The following LRRC37A2 variants were observed in gnomAD, a reference collection of about 807,000 sequenced individuals.
LRRC37A2 encodes the protein leucine-rich repeat-containing protein 37A2.
LRRC37A2 carries 9 observed loss-of-function variants against 68.8 expected under a neutral mutation model. The observed-to-expected ratio is 0.13, with a 90% CI of 0.08 to 0.23. The LOEUF (loss-of-function observed/expected upper bound fraction) is 0.23. Among genes scored for constraint, LRRC37A2 ranks in the 10% least tolerant of loss-of-function variants. The pLI is 1.00. For missense variants in LRRC37A2, 168 were observed against 950.4 expected (o/e 0.18, Z 10.82); for synonymous variants, 63 against 367.6 (o/e 0.17, Z 9.48).
the LRRC37A2 span, among the ~76,000 whole-genome samples, chr17:46,766,321 T>C: frequency 6.6e-6 from 1 of 151,140 alleles, no homozygotes; most frequent in African/African-American, 2.4e-5. Flanking sequence ...GGCAGGAGAA[T>C]CGCTTGAACC....
At chr17:47,013,295 A>C in the LRRC37A2 span, among the ~76,000 whole-genome samples, 1 of 152,218 alleles carries the variant, frequency 6.6e-6, no homozygotes, top group African/African-American at 2.4e-5. Context: ...ATAACTCTGC[A>C]AATATACTAA....
the LRRC37A2 span, chr17:46,713,786 A>T: frequency 1.5e-4 from 228 of 1,521,928 alleles, no homozygotes; most frequent in Middle Eastern, 3.1e-3. Flanking sequence ...ATAAAAGTTT[A>T]AACTTGTTTT....
At chr17:46,816,141 GC>G in the LRRC37A2 span, among the ~76,000 whole-genome samples, 5 of 26,240 alleles carry the variant, frequency 1.9e-4, no homozygotes, top group Non-Finnish European at 4.0e-4. Context: ...TCACACACAC[GC>G]ACGCACGCAC....
At chr17:46,988,016 A>G in the LRRC37A2 span, among the ~76,000 whole-genome samples, 3 of 152,154 alleles carry the variant, frequency 2.0e-5, no homozygotes, top group Non-Finnish European at 2.9e-5. Context: ...TACTAAAAAT[A>G]CAAAAATTAG....
the LRRC37A2 span, among the ~76,000 whole-genome samples, chr17:46,780,541 C>A: frequency 6.6e-6 from 1 of 152,238 alleles, no homozygotes; most frequent in Non-Finnish European, 1.5e-5. Flanking sequence ...GTAATCCCAG[C>A]ACTTTGGGAG....
At chr17:46,804,696 G>A in the LRRC37A2 span, among the ~76,000 whole-genome samples, 1 of 152,250 alleles carries the variant, frequency 6.6e-6, no homozygotes, top group Non-Finnish European at 1.5e-5. Context: ...AATGAGAGAT[G>A]AGGCCAGCCG....
the LRRC37A2 span, among the ~76,000 whole-genome samples, chr17:46,839,026 C>T: frequency 6.6e-6 from 1 of 152,036 alleles, no homozygotes; most frequent in African/African-American, 2.4e-5. Flanking sequence ...TACAGGCGCC[C>T]GCCACCATGC....
the LRRC37A2 span, among the ~76,000 whole-genome samples, chr17:47,009,483 TC>T: frequency 6.6e-6 from 1 of 152,096 alleles, no homozygotes; most frequent in Non-Finnish European, 1.5e-5. Flanking sequence ...GTCCCTCTGG[TC>T]CCCCTTTGAA....
chr17:46,857,078 C>T, the LRRC37A2 span, among the ~76,000 whole-genome samples: 19 of 152,068 alleles, frequency 1.2e-4, no homozygotes, highest in Non-Finnish European at 2.1e-4. Context: ...TCATCCATGT[C>T]GTTGAATATA....
the LRRC37A2 span, among the ~76,000 whole-genome samples, chr17:46,981,192 T>C: frequency 6.6e-6 from 1 of 152,006 alleles, no homozygotes; most frequent in Non-Finnish European, 1.5e-5. Context: ...CAAATTGGAG[T>C]GAAGGGATTC....
chr17:46,787,091 C>G, the LRRC37A2 span, among the ~76,000 whole-genome samples: 3 of 152,068 alleles, frequency 2.0e-5, no homozygotes, highest in East Asian at 5.8e-4. Flanking sequence ...GCACATGCCA[C>G]TATGCTCTGC....
At chr17:46,953,687 C>A in the LRRC37A2 span, among the ~76,000 whole-genome samples, 32 of 152,196 alleles carry the variant, frequency 2.1e-4, no homozygotes, top group Non-Finnish European at 4.0e-4. Context: ...GTTCCTATTT[C>A]TCTCCAGCAG....
the LRRC37A2 span, among the ~76,000 whole-genome samples, chr17:46,956,772 G>A: frequency 6.6e-6 from 1 of 152,170 alleles, no homozygotes; most frequent in East Asian, 1.9e-4. Context: ...GCTGGCTGGA[G>A]AGGATACCAC....
chr17:46,572,999 AAGGGAGGAAGGGAGGAAGGG>A, the LRRC37A2 span, among the ~76,000 whole-genome samples: 47,838 of 89,666 alleles, frequency 0.53, 15,708 homozygotes, highest in Middle Eastern at 0.74. Flanking sequence ...GGGAGGGAGG[AAGGGAGGAAGGGAGGAAGGG>A]AGGAAAGGAA....
At chr17:46,841,893 G>T in the LRRC37A2 span, among the ~76,000 whole-genome samples, 5 of 151,910 alleles carry the variant, frequency 3.3e-5, no homozygotes, top group Admixed American at 2.6e-4. Flanking sequence ...CTCCTCTGCG[G>T]TGTGTGGGGG....
At chr17:46,851,729 G>T in the LRRC37A2 span, 2 of 1,258,188 alleles carry the variant, frequency 1.6e-6, no homozygotes, top group South Asian at 2.9e-5. The surrounding 1 kb of genome is among the most constrained non-coding windows in gnomAD (Gnocchi z 4.3). Flanking sequence ...AGTGCCCGCC[G>T]CGCCCCCCGC....
chr17:46,541,634 G>A (rs1394679177), intron 8 of LRRC37A2, among the ~76,000 whole-genome samples: 2 of 150,740 alleles, frequency 1.3e-5, no homozygotes, highest in African/African-American at 2.5e-5. Flanking sequence ...CATATCTGCA[G>A]GTTCCTCATC....
At chr17:46,799,461 T>G in the LRRC37A2 span, among the ~76,000 whole-genome samples, 1 of 151,546 alleles carries the variant, frequency 6.6e-6, no homozygotes, top group African/African-American at 2.4e-5. Context: ...TTTTTTTTTT[T>G]TTTCGAGATG....
the LRRC37A2 span, among the ~76,000 whole-genome samples, chr17:46,905,078 TC>T: frequency 1.3e-5 from 2 of 151,638 alleles, no homozygotes; most frequent in Admixed American, 6.6e-5. Flanking sequence ...CCTTTTTTTT[TC>T]TTTTTTTTTT....
Sources: allele counts gnomAD v4.1 joint callset (sites outside exome capture counted in the v4.1 genomes callset), GRCh38; gene constraint gnomAD v4.1.1; non-coding constraint Gnocchi (gnomAD v3.1); transcripts MANE v1.5; gene names NCBI Gene and HGNC (gene_info 2026-07-23, HGNC 2026-07-21).